The following TPTE2 variants were observed in gnomAD, a reference collection of about 807,000 sequenced individuals.
The protein encoded by TPTE2 is transmembrane phosphoinositide 3-phosphatase and tensin homolog 2.
A neutral mutation model predicts 78.6 loss-of-function variants in TPTE2; 53 were observed. That is an observed-to-expected ratio of 0.67 (90% CI 0.54 to 0.85). The LOEUF (loss-of-function observed/expected upper bound fraction) is 0.85, where lower values mean the gene tolerates loss of function less well. Ranked by LOEUF, TPTE2 falls within the 40% of genes least tolerant of loss-of-function variation. The pLI, the probability that TPTE2 is intolerant of heterozygous loss-of-function variation, is 0.00. For missense variants in TPTE2, 461 were observed against 623.0 expected (o/e 0.74, Z 2.77); for synonymous variants, 175 against 206.2 (o/e 0.85, Z 1.30).
At chr13:19,459,864 T>C (rs1007546539) in intron 10 of TPTE2, among the ~76,000 whole-genome samples, 1 of 152,188 alleles carries the variant, frequency 6.6e-6, no homozygotes, top group Non-Finnish European at 1.5e-5. Flanking sequence ...GCTGAGTCTA[T>C]GAACCACAGT....
intron 16 of TPTE2, among the ~76,000 whole-genome samples, chr13:19,431,409 A>G (rs1217532265): frequency 6.6e-6 from 1 of 152,060 alleles, no homozygotes; most frequent in African/African-American, 2.4e-5. Context: ...CACTTCCCTT[A>G]GCGTTTCCTC....
the TPTE2 span, among the ~76,000 whole-genome samples, chr13:19,555,965 A>AC: frequency 3.3e-5 from 5 of 151,448 alleles, no homozygotes; most frequent in Admixed American, 3.3e-4. Context: ...GGCGCCCACC[A>AC]CCATGCGCAG....
At chr13:19,476,134 T>C (rs1385823657) in intron 4 of TPTE2, among the ~76,000 whole-genome samples, 1 of 152,144 alleles carries the variant, frequency 6.6e-6, no homozygotes, top group Non-Finnish European at 1.5e-5. Context: ...GAGTCACATA[T>C]GAGGTTGCAA....
exon 1 of TPTE2, chr13:19,536,680 C>G (rs1458157152): frequency 6.6e-6 from 1 of 152,062 alleles, no homozygotes; most frequent in East Asian, 1.9e-4. Context: ...ATATAGTGTT[C>G]CATTGCAAGG....
intron 3 of TPTE2, among the ~76,000 whole-genome samples, chr13:19,487,340 G>C (rs920581096): frequency 2.6e-5 from 4 of 152,090 alleles, no homozygotes; most frequent in Non-Finnish European, 5.9e-5. Context: ...TGTTTCTCAG[G>C]CCCTTATCAA....
rs372123595 is a variant in TPTE2, at chr13:19,525,845, GC to G, written c.-44+10750del. Among the ~76,000 whole-genome samples the G allele has an allele frequency of 4.2e-3, 635 of 151,826 alleles. 5 individuals carry two copies. Among genetic ancestry groups the G allele is most frequent in the South Asian group, 0.026 (125 of 4,810 alleles). ...ATAAGGAACTGAAACAAATTTACAA[GC>G]AAAAAACAACCTCACTAAAAAAAAA... On this transcript the variant is annotated intron_variant, in intron 1 of 17. Transcript: ENST00000390680.
At chr13:19,550,922 A>C in the TPTE2 span, among the ~76,000 whole-genome samples, 1 of 151,908 alleles carries the variant, frequency 6.6e-6, no homozygotes. Flanking sequence ...CTCCCAAGTA[A>C]CTACGATTAC....
chr13:19,485,637 T>C (rs1880622464), intron 3 of TPTE2, among the ~76,000 whole-genome samples: 1 of 152,180 alleles, frequency 6.6e-6, no homozygotes, highest in Non-Finnish European at 1.5e-5. Context: ...TATTTTCTCT[T>C]CACTTTTCCT....
At chr13:19,429,824 T>G (rs1046135931) in intron 17 of TPTE2, among the ~76,000 whole-genome samples, 1 of 152,196 alleles carries the variant, frequency 6.6e-6, no homozygotes, top group Non-Finnish European at 1.5e-5. Context: ...AAAAGGTATA[T>G]AGTTTTAGGC....
intron 15 of TPTE2, among the ~76,000 whole-genome samples, chr13:19,433,120 C>T (rs1412455044): frequency 6.6e-6 from 1 of 152,170 alleles, no homozygotes; most frequent in Non-Finnish European, 1.5e-5. Context: ...TCAGCCTTGT[C>T]CTTTCCCTGG....
chr13:19,455,761 A>C (rs1298289264), intron 10 of TPTE2, among the ~76,000 whole-genome samples: 3 of 152,266 alleles, frequency 2.0e-5, no homozygotes, highest in East Asian at 3.8e-4. Flanking sequence ...TTAACATTTG[A>C]AAATCTCATT....
intron 4 of TPTE2, among the ~76,000 whole-genome samples, chr13:19,477,817 C>A (rs1880066978): frequency 6.6e-6 from 1 of 152,174 alleles, no homozygotes; most frequent in Non-Finnish European, 1.5e-5. Flanking sequence ...CAGCTTCAAG[C>A]AGTTATGTGC....
intron 3 of TPTE2, among the ~76,000 whole-genome samples, chr13:19,485,221 CATT>C (rs1264763421): frequency 1.3e-5 from 2 of 152,078 alleles, no homozygotes; most frequent in Non-Finnish European, 2.9e-5. Context: ...CTCCCTTGAG[CATT>C]TCTTGTAAGG....
the TPTE2 span, among the ~76,000 whole-genome samples, chr13:19,545,117 G>A: frequency 6.6e-6 from 1 of 152,120 alleles, no homozygotes; most frequent in Non-Finnish European, 1.5e-5. Context: ...ACAGACAAGA[G>A]ATGGGAGTAA....
chr13:19,453,194 A>C (rs2137535869), intron 10 of TPTE2, among the ~76,000 whole-genome samples: 1 of 151,284 alleles, frequency 6.6e-6, no homozygotes, highest in East Asian at 1.9e-4. Flanking sequence ...CGCCTGGATA[A>C]TTTTTTGTAT....
intron 10 of TPTE2, 62 bp downstream of exon 13, chr13:19,464,394 A>G: frequency 6.7e-7 from 1 of 1,484,502 alleles, no homozygotes; most frequent in Non-Finnish European, 9.3e-7. Context: ...TCAATATTAA[A>G]CTTATGACTA....
At chr13:19,497,720 G>A (rs868092078) in intron 1 of TPTE2, among the ~76,000 whole-genome samples, 3,206 of 151,216 alleles carry the variant, frequency 0.021, 122 homozygotes, top group African/African-American at 0.074. Flanking sequence ...CAGAAAAACT[G>A]GAAACTCTAG....
At position 19,492,909 on chromosome 13, in the gene TPTE2, G is replaced by A. The variant is rs1343521720; in HGVS notation, c.66-6C>T. The A allele has an allele frequency of 6.2e-7, 1 of 1,613,814 alleles. No individual in the cohort carries two copies. The highest frequency in any genetic ancestry group is 1.3e-5 in the African/African-American group (1 of 74,934). ...TAAATTCACTTGTGTGTGGGCTAGA[G>A]GATGATAAAAGAATACAGTCAGATA... On this transcript the variant is annotated splice_polypyrimidine_tract_variant and splice_region_variant and intron_variant, in intron 2 of 19. Coordinates refer to ENST00000400230, the Ensembl canonical transcript of TPTE2.
the TPTE2 span, among the ~76,000 whole-genome samples, chr13:19,544,883 T>C: frequency 6.6e-6 from 1 of 150,548 alleles, no homozygotes; most frequent in African/African-American, 2.4e-5. Context: ...GCCCAGGTGA[T>C]AGAGTGAGAC....
Sources: gnomAD v4.1 joint callset for allele counts (sites outside exome capture counted in the v4.1 genomes callset) on GRCh38, gnomAD v4.1.1 for gene constraint, MANE v1.5 for transcripts, NCBI Gene and HGNC (gene_info 2026-07-23, HGNC 2026-07-21) for gene names.